The following PTPRT variants were observed in gnomAD, a reference collection of about 807,000 sequenced individuals.
PTPRT encodes receptor-type tyrosine-protein phosphatase T.
A neutral mutation model predicts 176.8 loss-of-function variants in PTPRT; 56 were observed. That is an observed-to-expected ratio of 0.32 (90% CI 0.26 to 0.40). The LOEUF (loss-of-function observed/expected upper bound fraction) is 0.40. Ranked by LOEUF, PTPRT falls within the 10% of genes least tolerant of loss-of-function variation. The pLI is 1.00. For synonymous variants in PTPRT, 783 were observed against 739.0 expected, an observed-to-expected ratio of 1.06 and a Z score of -0.96; for missense variants, 1,540 against 1,908.2, an observed-to-expected ratio of 0.81 and a Z score of 3.60.
intron 1 of PTPRT, among the ~76,000 whole-genome samples, chr20:42,930,710 C>T (rs1053903690): frequency 6.6e-6 from 1 of 151,892 alleles, no homozygotes; most frequent in Non-Finnish European, 1.5e-5. Context: ...GAACTCGTAG[C>T]CTCATATGAT....
chr20:42,636,841 A>C (rs1309550717), intron 7 of PTPRT, among the ~76,000 whole-genome samples: 2 of 152,074 alleles, frequency 1.3e-5, no homozygotes, highest in Non-Finnish European at 2.9e-5. Context: ...GAAGGATGGA[A>C]GTGATGGTGA....
intron 1 of PTPRT, among the ~76,000 whole-genome samples, chr20:43,155,969 C>T (rs2014508059): frequency 6.6e-6 from 1 of 152,082 alleles, no homozygotes; most frequent in Admixed American, 6.5e-5. Flanking sequence ...AAAAATAATC[C>T]CTGTTCTCAG....
intron 8 of PTPRT, among the ~76,000 whole-genome samples, chr20:42,464,787 C>G (rs529482753): frequency 6.6e-6 from 1 of 152,204 alleles, no homozygotes; most frequent in East Asian, 1.9e-4. Flanking sequence ...CTTTTTCTCT[C>G]ACTTTTCCCT....
downstream of PTPRT, among the ~76,000 whole-genome samples, chr20:42,071,280 G>C (rs949209170): frequency 3.3e-5 from 5 of 152,192 alleles, no homozygotes; most frequent in African/African-American, 1.2e-4. Context: ...TCAGGTTCTA[G>C]TTATTTCTTC....
intron 6 of PTPRT, among the ~76,000 whole-genome samples, chr20:42,684,688 G>T (rs2146093469): frequency 6.6e-6 from 1 of 152,262 alleles, no homozygotes; most frequent in African/African-American, 2.4e-5. Context: ...CAAAATCAAT[G>T]ATGAGACTTC....
chr20:42,383,588 A>G (rs189866548), intron 9 of PTPRT, among the ~76,000 whole-genome samples: 1 of 152,332 alleles, frequency 6.6e-6, no homozygotes, highest in East Asian at 1.9e-4. Context: ...GCAGTGTTTG[A>G]TAAGTGGTAA....
Position 42,617,690 on chromosome 20 carries a change from T to G in PTPRT, c.1153+60176A>C, listed in dbSNP as rs1191399660. Reference sequence around the variant, plus strand: ...TGGGAGGGTGTATGTGTTGAGGAGTTTATCCATTTCTTCTAGATTTTCTAG... The same window carrying G: ...TGGGAGGGTGTATGTGTTGAGGAGTGTATCCATTTCTTCTAGATTTTCTAG... On this transcript the variant is annotated intron_variant, in intron 7 of 30. Coordinates refer to ENST00000373187, the MANE Select transcript of PTPRT (RefSeq NM_007050.6). Among the ~76,000 whole-genome samples, 991 of 139,548 alleles carry G rather than the reference T, an allele frequency of 7.1e-3. 235 individuals are homozygous for G. Among genetic ancestry groups the G allele is most frequent in the African/African-American group, 0.029 (947 of 32,402 alleles). The allele number at this position is 139,548 out of a possible 152,430, so 91.5% of individuals were successfully genotyped here. A position where few individuals can be genotyped will look rare whatever the true frequency, so the allele number is the denominator to read the frequency against.
intron 7 of PTPRT, among the ~76,000 whole-genome samples, chr20:42,566,044 C>CTA: frequency 6.6e-6 from 1 of 152,196 alleles, no homozygotes; most frequent in East Asian, 1.9e-4. Context: ...CCTATGTTGG[C>CTA]TATGTGTGGC....
chr20:43,170,282 C>T (rs1440584822), intron 1 of PTPRT, among the ~76,000 whole-genome samples: 1 of 152,130 alleles, frequency 6.6e-6, no homozygotes, highest in Non-Finnish European at 1.5e-5. Flanking sequence ...ATGTTATGCT[C>T]ACAACCATCT....
chr20:42,161,397 C>T lies in PTPRT; in HGVS notation c.2637G>A (p.Thr879=), dbSNP rs754135503. The T allele has an allele frequency of 9.9e-6, 16 of 1,614,110 alleles. No homozygotes were observed. Among genetic ancestry groups the T allele is most frequent in the African/African-American group, 2.7e-5 (2 of 75,018 alleles). The change falls in exon 17 of 31, where the codon ACG becomes ACA. Residue 879 remains threonine, a synonymous_variant. Transcript: ENST00000373187. ...CGTAGCCCTGGCCTCTCTTCATCTG[C>T]GTGATGTGCTGCAGCAAGTCAGCCA... ...IRVADLLQHI[T]QMKRGQGYGF... is the part of the protein sequence containing the mutation.
At chr20:42,688,952 T>C (rs952183280) in intron 6 of PTPRT, among the ~76,000 whole-genome samples, 1 of 152,114 alleles carries the variant, frequency 6.6e-6, no homozygotes, top group Non-Finnish European at 1.5e-5. Context: ...CAATGAGCTA[T>C]AGAAGAAAGT....
At chr20:42,637,916 C>T (rs80292851) in intron 7 of PTPRT, among the ~76,000 whole-genome samples, 148 of 152,190 alleles carry the variant, frequency 9.7e-4, no homozygotes, top group Non-Finnish European at 1.1e-3. Context: ...TATGAAAACA[C>T]TCTATAAATA....
intron 16 of PTPRT, among the ~76,000 whole-genome samples, chr20:42,161,935 G>A (rs1474280795): frequency 1.3e-5 from 2 of 151,966 alleles, no homozygotes; most frequent in Non-Finnish European, 2.9e-5. Context: ...ATGCCTGTCT[G>A]CAGGGGAGGA....
chr20:42,462,633 A>T (rs1200052130), intron 8 of PTPRT, among the ~76,000 whole-genome samples: 3 of 152,168 alleles, frequency 2.0e-5, no homozygotes, highest in Admixed American at 2.0e-4. Context: ...TCAGAGTGAA[A>T]TGTTTAAAAT....
In PTPRT at chr20:42,084,717, A is replaced by G; in HGVS notation, c.4101T>C (p.Tyr1367=). 1 of 1,560,644 alleles carries G rather than the reference A, an allele frequency of 6.4e-7. No individual in the cohort carries two copies. Among genetic ancestry groups the G allele is most frequent in the East Asian group, 2.3e-5 (1 of 43,018 alleles). ...CCACAGTACGTCCCTCCCTCCCGTC[A>G]TACTGCTCCTGCCACTTCTCCAGTC... ...VRRLEKWQEQ[Y]DGREGRTVVH... The change falls in exon 29 of 31, where the codon TAT becomes TAC. Residue 1367 remains tyrosine, a synonymous_variant. Transcript: ENST00000373187.
intron 7 of PTPRT, among the ~76,000 whole-genome samples, chr20:42,599,808 C>T (rs2073744039): frequency 6.6e-6 from 1 of 152,160 alleles, no homozygotes; most frequent in South Asian, 2.1e-4. Flanking sequence ...TCAAATGCCA[C>T]CAAGCTACCA....
At chr20:42,620,462 G>C (rs2074171055) in intron 7 of PTPRT, among the ~76,000 whole-genome samples, 1 of 149,170 alleles carries the variant, frequency 6.7e-6, no homozygotes, top group African/African-American at 2.6e-5. Flanking sequence ...GCTGTGGTGG[G>C]CTCCACCCAG....
intron 6 of PTPRT, among the ~76,000 whole-genome samples, chr20:42,699,243 T>C (rs1014913486): frequency 2.6e-5 from 4 of 152,158 alleles, no homozygotes; most frequent in African/African-American, 7.2e-5. Context: ...ATCTGAAATA[T>C]ACATGGTCAC....
At chr20:42,949,374 G>C (rs977249851) in intron 1 of PTPRT, among the ~76,000 whole-genome samples, 4 of 152,234 alleles carry the variant, frequency 2.6e-5, no homozygotes, top group Admixed American at 1.3e-4. Flanking sequence ...CATGATGGAA[G>C]GAAGCCCAAG....
Sources: gnomAD v4.1 joint callset for allele counts (sites outside exome capture counted in the v4.1 genomes callset) on GRCh38, gnomAD v4.1.1 for gene constraint, MANE v1.5 for transcripts, NCBI Gene and HGNC (gene_info 2026-07-23, HGNC 2026-07-21) for gene names.